G2E3: variants seen among roughly 807,000 people sequenced by gnomAD.
G2E3 encodes the protein G2/M phase-specific E3 ubiquitin-protein ligase.
G2E3 carries 35 observed loss-of-function variants against 92.8 expected under a neutral mutation model. The observed-to-expected ratio is 0.38, with a 90% CI of 0.29 to 0.50. The LOEUF is 0.50. G2E3 is among the 20% of genes least tolerant of loss of function. The pLI is 0.94. For missense variants in G2E3, 554 were observed against 823.8 expected, an observed-to-expected ratio of 0.67 and a Z score of 4.01; for synonymous variants, 242 against 272.4, an observed-to-expected ratio of 0.89 and a Z score of 1.10.
chr14:30,600,925 A>G (rs982454751), intron 8 of G2E3, among the ~76,000 whole-genome samples: 4 of 152,200 alleles, frequency 2.6e-5, no homozygotes, highest in Admixed American at 6.5e-5. Flanking sequence ...AACTTTTCAT[A>G]TGAACACAGA....
intron 1 of G2E3, among the ~76,000 whole-genome samples, chr14:30,571,472 A>T (rs1377979938): frequency 6.6e-6 from 1 of 151,934 alleles, no homozygotes; most frequent in Non-Finnish European, 1.5e-5. Flanking sequence ...TGTTTAATTC[A>T]TCAGTGTTTT....
intron 3 of G2E3, among the ~76,000 whole-genome samples, chr14:30,589,114 T>C (rs1566538171): frequency 2.0e-5 from 3 of 152,040 alleles, no homozygotes; most frequent in African/African-American, 7.2e-5. Context: ...CTTTCCTATC[T>C]TTTCTTTTTC....
intron 13 of G2E3, among the ~76,000 whole-genome samples, chr14:30,613,006 T>G (rs1450470033): frequency 6.6e-6 from 1 of 152,250 alleles, no homozygotes; most frequent in Non-Finnish European, 1.5e-5. Context: ...ATTTAATAAC[T>G]ATTTATTGAG....
At chr14:30,586,857 T>G (rs1404757357) in intron 3 of G2E3, 42 bp downstream of exon 3, 1 of 639,426 alleles carries the variant, frequency 1.6e-6, no homozygotes, top group Non-Finnish European at 2.6e-6. Context: ...TTTGGTGTTC[T>G]AAAGAAGATA....
chr14:30,560,958 C>G (rs1350838855), intron 1 of G2E3: 11 of 607,846 alleles, frequency 1.8e-5, no homozygotes, highest in Admixed American at 2.9e-5. Context: ...TGAAGCCCAT[C>G]TCCACCACTT....
At chr14:30,571,305 T>C (rs1353336165) in intron 1 of G2E3, among the ~76,000 whole-genome samples, 1 of 152,028 alleles carries the variant, frequency 6.6e-6, no homozygotes, top group Non-Finnish European at 1.5e-5. Context: ...TTTGTTCATT[T>C]TATTGTGATG....
Position 30,615,471 on chromosome 14 carries a change from T to C in G2E3, c.1796T>C (p.Phe599Ser). ...TCTGCAAAAATCCTTAGTGAGCTTT[T>C]TACAGTACACACATTACCTGATGTG... ...SLSAKILSEL[F>S]TVHTLPDVKA... is the part of the protein sequence containing the mutation. The change falls in exon 14 of 15, where the codon TTT becomes TCT. Residue 599 changes from phenylalanine (F) to serine (S), a missense_variant. This residue lies in a region of G2E3 where 397 missense variants were observed against 560.3 expected (regional missense o/e 0.71). Transcript: ENST00000206595. 6.2e-7 allele frequency: 1 copy of C among 1,612,448 alleles called. No homozygotes were observed. Among genetic ancestry groups the C allele is most frequent in the Non-Finnish European group, 8.5e-7 (1 of 1,178,890 alleles).
intron 1 of G2E3, among the ~76,000 whole-genome samples, chr14:30,566,208 T>A (rs925509737): frequency 7.2e-5 from 11 of 152,276 alleles, no homozygotes; most frequent in African/African-American, 2.6e-4. Flanking sequence ...CCTCCAACTT[T>A]TTCTTTTTGG....
chr14:30,615,201 T>A (rs1226245089), intron 13 of G2E3, 148 bp from the exon 14 acceptor site: 1 of 522,274 alleles, frequency 1.9e-6, no homozygotes, highest in African/African-American at 1.9e-5. Context: ...TCTGAAAATA[T>A]GATTGTCTCT....
chr14:30,576,551 A>C (rs1880105852), intron 1 of G2E3, among the ~76,000 whole-genome samples: 1 of 152,264 alleles, frequency 6.6e-6, no homozygotes, highest in Admixed American at 6.5e-5. Context: ...GTTTCTGCAC[A>C]GCAAAAGAAA....
chr14:30,598,113 G>A, intron 7 of G2E3: 1 of 183,898 alleles, frequency 5.4e-6, no homozygotes, highest in South Asian at 1.2e-4. Flanking sequence ...AGGCATGGTG[G>A]CTCACGCCTG....
At chr14:30,571,226 T>A (rs1460510698) in intron 1 of G2E3, among the ~76,000 whole-genome samples, 3 of 151,744 alleles carry the variant, frequency 2.0e-5, no homozygotes, top group African/African-American at 7.3e-5. Context: ...ACCAGTGATG[T>A]TCATATTTTC....
intron 1 of G2E3, chr14:30,560,460 A>C (rs763894374): frequency 3.8e-6 from 1 of 260,996 alleles, no homozygotes; most frequent in Non-Finnish European, 7.2e-6. Flanking sequence ...CTGCTATTGA[A>C]CTTTTAAGTG....
intron 7 of G2E3, 94 bp downstream of exon 7, chr14:30,597,620 C>CATGG: frequency 1.3e-6 from 1 of 742,928 alleles, no homozygotes; most frequent in South Asian, 1.7e-5. Flanking sequence ...ATTCAGTGAG[C>CATGG]ATGGACAGGT....
Position 30,612,223 on chromosome 14 carries a change from C to T in G2E3, c.1517C>T (p.Thr506Ile). 6.2e-7 allele frequency: 1 copy of T among 1,610,294 alleles called. No homozygotes were observed. Among genetic ancestry groups the T allele is most frequent in the Non-Finnish European group, 8.5e-7 (1 of 1,177,340 alleles). ...TCATTACAGATAAATACTGCAACAACTGTAGCTGACTTAAAGTCAATAATA... is the reference window on the plus strand; with the variant it reads ...TCATTACAGATAAATACTGCAACAATTGTAGCTGACTTAAAGTCAATAATA... ...QIIIRINTAT[T>I]VADLKSIINE... is the part of the protein sequence containing the mutation. The change falls in exon 13 of 15, where the codon ACT becomes ATT. Residue 506 changes from threonine to isoleucine, a missense_variant. Thr to Ile is a moderately conservative substitution (Grantham distance 89). This residue lies in a region of G2E3 where 397 missense variants were observed against 560.3 expected (regional missense o/e 0.71). Transcript: ENST00000206595.
rs1033466098 is a variant in G2E3 at position 30,575,951 on chromosome 14, A to G, written c.-4-5125A>G. 3.9e-5 allele frequency among the ~76,000 whole-genome samples: 6 copies of G among 152,216 alleles called. No homozygotes were observed. The East Asian group carries it at 5.8e-4, about 15-fold the overall frequency. On this transcript the variant is annotated intron_variant, in intron 1 of 14. Transcript: ENST00000206595. ...TAAAATGGCTATTGTGCCCAAAACA[A>G]TTTACAGATTCACTGCTATTCCTGT...
rs751289279 is a variant in G2E3 at position 30,615,561 on chromosome 14, C to A, written c.1864+22C>A. 2.0e-4 allele frequency: 287 copies of A among 1,401,518 alleles called. 1 individual carries two copies. The highest frequency in any genetic ancestry group is 1.5e-3 in the South Asian group (105 of 69,042). The allele number at this position is 1,401,518 out of a possible 1,614,324, so 86.8% of individuals were successfully genotyped here. On this transcript the variant is annotated intron_variant, in intron 14 of 14. Coordinates refer to ENST00000206595, the MANE Select transcript of G2E3 (RefSeq NM_017769.5). ...GAAGGTATGTGGATATTTTATTTTA[C>A]TTTTAACGATCTCAGAATATTTGTT... is the stretch of plus-strand genomic sequence containing the variant.
chr14:30,563,460 G>T (rs1183558403), intron 1 of G2E3, among the ~76,000 whole-genome samples: 1 of 152,016 alleles, frequency 6.6e-6, no homozygotes, highest in East Asian at 1.9e-4. Context: ...TCTGATGCAG[G>T]CTAGACCATT....
Position 30,619,478 on chromosome 14 carries a change from T to A in G2E3, c.*2944T>A, listed in dbSNP as rs1043291455. 1 of 152,138 alleles carries A rather than the reference T, an allele frequency of 6.6e-6. No individual in the cohort carries two copies. Among genetic ancestry groups the A allele is most frequent in the Non-Finnish European group, 1.5e-5 (1 of 67,976 alleles). 9.4% of individuals were successfully genotyped at this position (152,138 alleles called of 1,614,324 possible). ...ATTATCATGTACTGCATTGTTACTT[T>A]AAAATAAGCTATTAAACTAGTTTTT... On this transcript the variant is annotated 3_prime_UTR_variant, in exon 15 of 15. Coordinates refer to ENST00000206595, the MANE Select transcript of G2E3 (RefSeq NM_017769.5).
Sources: gnomAD v4.1 joint callset for allele counts (sites outside exome capture counted in the v4.1 genomes callset) on GRCh38, gnomAD v4.1.1 for gene constraint, gnomAD v4.1.1 regional missense constraint, MANE v1.5 for transcripts, NCBI Gene and HGNC (gene_info 2026-07-23, HGNC 2026-07-21) for gene names.